Variants in GRIN3B observed in about 807,000 individuals in gnomAD.
GRIN3B encodes glutamate ionotropic receptor NMDA type subunit 3B, also known as glutamate receptor ionotropic, NMDA 3B.
A neutral mutation model predicts 66.0 loss-of-function variants in GRIN3B; 77 were observed. The ratio of observed to expected loss-of-function variants is 1.17; its 90% CI spans 0.97 to 1.41. GRIN3B has a LOEUF of 1.41. GRIN3B is among the 40% of genes most tolerant of loss of function. GRIN3B has a pLI of 0.00. For missense variants in GRIN3B, 1,787 were observed against 1,564.5 expected, an observed-to-expected ratio of 1.14 and a Z score of -2.40; for synonymous variants, 823 against 749.7, an observed-to-expected ratio of 1.10 and a Z score of -1.60.
rs1304810127 is a variant in GRIN3B, at chr19:1,000,770, C to G, written c.333C>G (p.Pro111=). 7 of 1,449,316 alleles carry G rather than the reference C, an allele frequency of 4.8e-6. No homozygotes were observed. In the African/African-American group the frequency reaches 7.4e-5, roughly 15 times the overall value. 89.8% of individuals were successfully genotyped at this position (1,449,316 alleles called of 1,614,324 possible). A position where few individuals can be genotyped will look rare whatever the true frequency, so the allele number is the denominator to read the frequency against. ...TGCTCGCCTTTCCCGAGGCTCGGCC[C>G]GAGCTGCTGCAGCTGCACTTCCTGG... The part of the protein sequence containing the change: ...AALLAFPEAR[P]ELLQLHFLAA... Residue 111 remains proline (P), a synonymous_variant, in exon 1 of 9, where the codon CCC becomes CCG. Coordinates refer to ENST00000234389, the MANE Select transcript of GRIN3B (RefSeq NM_138690.3).
In GRIN3B at chr19:1,009,370, G is replaced by A. The variant is rs2038815719; in HGVS notation, c.2900G>A (p.Gly967Asp). Residue 967 changes from glycine (G) to aspartate (D), a missense_variant, in exon 9 of 9, where the codon GGC (glycine) becomes GAC (aspartate). Gly to Asp is a moderately conservative substitution (Grantham distance 94). Transcript: ENST00000234389. ...GGCCCCGTCTGGCTGTGCTCCTACG[G>A]CCGCCCGCCCGCCGCAAGGCCCACG... The part of the protein sequence containing the change: ...REGPVWLCSY[G>D]RPPAARPTGA... The A allele has an allele frequency of 1.5e-6, 2 of 1,370,482 alleles. No homozygotes were observed. Among genetic ancestry groups the A allele is most frequent in the African/African-American group, 1.5e-5 (1 of 64,826 alleles). The allele number at this position is 1,370,482 out of a possible 1,614,324, so 84.9% of individuals were successfully genotyped here.
In GRIN3B at chr19:1,007,988, C is replaced by T. The variant is rs770588372; in HGVS notation, c.2314+17C>T. ...CCATTGAGGGTGAGAGGCACCTGGG[C>T]GAGGCGGGGCGCCGGGGTCTCTGGG... On this transcript the variant is annotated intron_variant, in intron 5 of 8. Transcript: ENST00000234389. This position sits in a 1 kb window ranked among gnomAD's most constrained non-coding sequence, Gnocchi z 4.4. 4.4e-6 allele frequency: 7 copies of T among 1,607,506 alleles called. No homozygotes were observed. Among genetic ancestry groups the T allele is most frequent in the Admixed American group, 1.7e-5 (1 of 59,930 alleles).
rs112038197 is a variant in GRIN3B at position 1,006,654 on chromosome 19, C to G, written c.2053-974C>G. Among the ~76,000 whole-genome samples the G allele has an allele frequency of 2.1e-3, 318 of 152,230 alleles. 2 individuals are homozygous for G. The highest frequency in any genetic ancestry group is 7.1e-3 in the African/African-American group (296 of 41,522). ...TCGGGTTTTCTGCCCCGTAGTGTCT[C>G]TGAACTTTTGGATCTGCCCAGTGGT... On this transcript the variant is annotated intron_variant, in intron 3 of 8. Coordinates refer to ENST00000234389, the MANE Select transcript of GRIN3B (RefSeq NM_138690.3).
At chr19:1,001,866 G>A (rs1372622691) in intron 1 of GRIN3B, among the ~76,000 whole-genome samples, 2 of 152,162 alleles carry the variant, frequency 1.3e-5, no homozygotes, top group Non-Finnish European at 2.9e-5. Flanking sequence ...CTGCACCGCC[G>A]CAAGCCGGGG....
intron 3 of GRIN3B, among the ~76,000 whole-genome samples, chr19:1,006,365 T>C (rs1212326958): frequency 6.6e-6 from 1 of 150,948 alleles, no homozygotes; most frequent in African/African-American, 2.4e-5. Flanking sequence ...CAGGCTGGTC[T>C]CGAACCCCTG....
At position 1,005,596 on chromosome 19, in the gene GRIN3B, C is replaced by T. The variant is rs763843311; in HGVS notation, c.2052+43C>T. The T allele has an allele frequency of 7.5e-6, 11 of 1,474,346 alleles. No homozygotes were observed. The highest frequency in any genetic ancestry group is 1.4e-5 in the African/African-American group (1 of 71,380). 91.3% of individuals were successfully genotyped at this position (1,474,346 alleles called of 1,614,324 possible). A position where few individuals can be genotyped will look rare whatever the true frequency, so the allele number is the denominator to read the frequency against. Reference sequence around the variant, plus strand: ...GCTGCGGGTGGCCTTGGGGGGCTAGCGGTGGCCCCGGGCTGGGCTGTGTGG... The same window carrying T: ...GCTGCGGGTGGCCTTGGGGGGCTAGTGGTGGCCCCGGGCTGGGCTGTGTGG... On this transcript the variant is annotated intron_variant, in intron 3 of 8. Coordinates refer to ENST00000234389, the MANE Select transcript of GRIN3B (RefSeq NM_138690.3). This position sits in a 1 kb window ranked among gnomAD's most constrained non-coding sequence, Gnocchi z 5.2.
intron 1 of GRIN3B, among the ~76,000 whole-genome samples, chr19:1,002,363 C>CAAAAAAAAA (rs71335327): frequency 9.2e-3 from 670 of 72,464 alleles, no homozygotes; most frequent in African/African-American, 0.012. Context: ...ACTAAAAATA[C>CAAAAAAAAA]AAAAAAAAAA....
In GRIN3B at chr19:1,008,276, C is replaced by T. The variant is rs12977456; in HGVS notation, c.2451C>T (p.Val817=). The T allele has an allele frequency of 2.2e-6, 3 of 1,338,934 alleles. No individual in the cohort carries two copies. The highest frequency in any genetic ancestry group is 2.2e-5 in the Admixed American group (1 of 45,606). 82.9% of individuals were successfully genotyped at this position (1,338,934 alleles called of 1,614,324 possible). ...AGATGGTGCCTTGCGGCAAGCGGGTCTTTGCGGTTACAGAGGTGGGGCAGG... is the reference window on the plus strand; with the variant it reads ...AGATGGTGCCTTGCGGCAAGCGGGTTTTTGCGGTTACAGAGGTGGGGCAGG... ...WYKMVPCGKR[V]FAVTETLQMS... Residue 817 remains valine, a synonymous_variant, in exon 6 of 9, where the codon GTC becomes GTT. Coordinates refer to ENST00000234389, the MANE Select transcript of GRIN3B (RefSeq NM_138690.3).
At position 1,007,765 on chromosome 19, in the gene GRIN3B, C is replaced by T; in HGVS notation, c.2190C>T (p.Ala730=). ...HSAPTTPRGV[A]MLTSDPPKLN... is the part of the protein sequence containing the mutation. Reference sequence around the variant, plus strand: ...CGCCCACCACGCCCCGCGGCGTCGCCATGCTCACGTGAGCCCGGGCGCGGG... The same window carrying T: ...CGCCCACCACGCCCCGCGGCGTCGCTATGCTCACGTGAGCCCGGGCGCGGG... The change falls in exon 4 of 9, where the codon GCC becomes GCT. Residue 730 remains alanine (A), a synonymous_variant. Coordinates refer to ENST00000234389, the MANE Select transcript of GRIN3B (RefSeq NM_138690.3). The surrounding 1 kb of genome is among the most constrained non-coding windows in gnomAD (Gnocchi z 4.4). 1.3e-6 allele frequency: 2 copies of T among 1,516,158 alleles called. No individual in the cohort carries two copies. The highest frequency in any genetic ancestry group is 1.8e-6 in the Non-Finnish European group (2 of 1,133,006). 93.9% of individuals were successfully genotyped at this position (1,516,158 alleles called of 1,614,324 possible).
Position 1,008,931 on chromosome 19 carries a change from AGTG to A in GRIN3B, c.2702+10_2702+12del. ...AGACGGCAGAGGCGGAGCCCAGGTAAGTGGTGGTCGGGGCGGACCACGATGCAG... is the reference window on the plus strand; with the variant it reads ...AGACGGCAGAGGCGGAGCCCAGGTAAGTGGTCGGGGCGGACCACGATGCAG... On this transcript the variant is annotated splice_donor_5th_base_variant and intron_variant, in intron 8 of 8. Coordinates refer to ENST00000234389, the MANE Select transcript of GRIN3B (RefSeq NM_138690.3). The A allele has an allele frequency of 6.2e-7, 1 of 1,604,654 alleles. No individual in the cohort carries two copies. The highest frequency in any genetic ancestry group is 8.5e-7 in the Non-Finnish European group (1 of 1,176,478).
At chr19:1,006,873 C>T (rs2038754596) in intron 3 of GRIN3B, among the ~76,000 whole-genome samples, 1 of 152,190 alleles carries the variant, frequency 6.6e-6, no homozygotes, top group Non-Finnish European at 1.5e-5. Context: ...CCCACAGGCA[C>T]GATGGGATTC....
rs1379928315 is a variant in GRIN3B at position 1,007,739 on chromosome 19, G to A, written c.2164G>A (p.Ala722Thr). 12 of 1,523,466 alleles carry A rather than the reference G, an allele frequency of 7.9e-6. No individual in the cohort carries two copies. In the East Asian group the frequency reaches 1.1e-4, roughly 13 times the overall value. 94.4% of individuals were successfully genotyped at this position (1,523,466 alleles called of 1,614,324 possible). Residue 722 changes from alanine (A) to threonine (T), a missense_variant, in exon 4 of 9, where the codon GCG becomes ACG. Transcript: ENST00000234389. The surrounding 1 kb of genome is among the most constrained non-coding windows in gnomAD (Gnocchi z 4.4). ...DMHAHMRRHS[A>T]PTTPRGVAML... is the part of the protein sequence containing the mutation. The stretch of plus-strand genomic sequence containing the variant: ...GCACGCACACATGCGGCGCCACAGC[G>A]CGCCCACCACGCCCCGCGGCGTCGC...
At chr19:1,008,949 C>A in intron 8 of GRIN3B, 22 bp downstream of exon 8, 1 of 1,587,162 alleles carries the variant, frequency 6.3e-7, no homozygotes, top group Non-Finnish European at 8.6e-7. Flanking sequence ...TCGGGGCGGA[C>A]CACGATGCAG....
At position 1,009,251 on chromosome 19, in the gene GRIN3B, C is replaced by T. The variant is rs957258547; in HGVS notation, c.2781C>T (p.Ala927=). ...APEGWKRARR[A]VDKERRVRFL... Reference sequence around the variant, plus strand: ...AGGGCTGGAAACGGGCGCGCCGGGCCGTGGACAAGGAGCGCCGCGTGCGCT... The same window carrying T: ...AGGGCTGGAAACGGGCGCGCCGGGCTGTGGACAAGGAGCGCCGCGTGCGCT... The change falls in exon 9 of 9, where the codon GCC becomes GCT. Residue 927 remains alanine (A), a synonymous_variant. Coordinates refer to ENST00000234389, the MANE Select transcript of GRIN3B (RefSeq NM_138690.3). The T allele has an allele frequency of 1.3e-5, 19 of 1,435,710 alleles. No individual in the cohort carries two copies. Among genetic ancestry groups the T allele is most frequent in the Non-Finnish European group, 1.5e-5 (17 of 1,106,086 alleles). The allele number at this position is 1,435,710 out of a possible 1,614,324, so 88.9% of individuals were successfully genotyped here.
chr19:1,004,332 C>T (rs1017838924), intron 2 of GRIN3B, among the ~76,000 whole-genome samples, 189 bp from the exon 3 acceptor site: 7 of 152,168 alleles, frequency 4.6e-5, no homozygotes, highest in Admixed American at 6.5e-5. Context: ...GCCACGGCAT[C>T]GGGCACGGAT....
chr19:1,005,175 G>C lies in GRIN3B; in HGVS notation c.1674G>C (p.Arg558=). The part of the protein sequence containing the change: ...FFSTSLGIMV[R]ARDTASPIGA... ...CCACCAGCCTGGGCATCATGGTGCG[G>C]GCACGGGACACGGCCTCACCCATCG... Residue 558 remains arginine (R), a synonymous_variant, in exon 3 of 9, where the codon CGG becomes CGC. Coordinates refer to ENST00000234389, the MANE Select transcript of GRIN3B (RefSeq NM_138690.3). This position sits in a 1 kb window ranked among gnomAD's most constrained non-coding sequence, Gnocchi z 5.2. 1 of 1,613,522 alleles carries C rather than the reference G, an allele frequency of 6.2e-7. No individual in the cohort carries two copies. The highest frequency in any genetic ancestry group is 1.1e-5 in the South Asian group (1 of 91,082).
chr19:1,002,847 G>A (rs1360151764), intron 1 of GRIN3B: 3 of 353,534 alleles, frequency 8.5e-6, no homozygotes, highest in Non-Finnish European at 1.5e-5. Flanking sequence ...GAGAGAGAAA[G>A]ATATTCCATC....
chr19:1,009,216 A>G lies in GRIN3B; in HGVS notation c.2746A>G (p.Thr916Ala), dbSNP rs887232813. ...EQQQQQQDQP[T>A]APEGWKRARR... ...GCAGCAGCAGCAGCAGGACCAGCCA[A>G]CGGCTCCGGAGGGCTGGAAACGGGC... Residue 916 changes from threonine (T) to alanine (A), a missense_variant, in exon 9 of 9, where the codon ACG (threonine) becomes GCG (alanine). Coordinates refer to ENST00000234389, the MANE Select transcript of GRIN3B (RefSeq NM_138690.3). 12 of 1,472,850 alleles carry G rather than the reference A, an allele frequency of 8.1e-6. No individual in the cohort carries two copies. In the African/African-American group the frequency reaches 1.2e-4, roughly 14 times the overall value. 91.2% of individuals were successfully genotyped at this position (1,472,850 alleles called of 1,614,324 possible). A position where few individuals can be genotyped will look rare whatever the true frequency, so the allele number is the denominator to read the frequency against.
At chr19:1,006,223 A>C (rs2038747520) in intron 3 of GRIN3B, among the ~76,000 whole-genome samples, 1 of 151,888 alleles carries the variant, frequency 6.6e-6, no homozygotes, top group South Asian at 2.1e-4. Context: ...ATCTTGGCTC[A>C]CTGCAACCTC....
Sources: gnomAD v4.1 joint callset for allele counts (sites outside exome capture counted in the v4.1 genomes callset) on GRCh38, gnomAD v4.1.1 for gene constraint, Gnocchi (gnomAD v3.1) non-coding constraint, MANE v1.5 for transcripts, NCBI Gene and HGNC (gene_info 2026-07-23, HGNC 2026-07-21) for gene names.